Variants in AMPH observed in about 807,000 individuals in gnomAD.
The protein encoded by AMPH is amphiphysin.
Under a neutral mutation model 99.1 loss-of-function variants are expected in AMPH, and 49 were observed. The observed-to-expected ratio is 0.49, with a 90% CI of 0.39 to 0.63. The LOEUF is 0.63. Among genes scored for constraint, AMPH ranks in the 20% least tolerant of loss-of-function variants. AMPH has a pLI of 0.00. For synonymous variants in AMPH, 314 were observed against 317.3 expected (o/e 0.99, Z 0.11); for missense variants, 759 against 863.4 (o/e 0.88, Z 1.52).
At chr7:38,617,465 G>A (rs1401943085) in intron 1 of AMPH, among the ~76,000 whole-genome samples, 1 of 152,208 alleles carries the variant, frequency 6.6e-6, no homozygotes, top group Non-Finnish European at 1.5e-5. Context: ...CAAGGAACCT[G>A]GAGTGGCAGA....
At chr7:38,428,000 C>T in intron 14 of AMPH, 2 of 456,640 alleles carry the variant, frequency 4.4e-6, no homozygotes, top group Non-Finnish European at 8.8e-6. Context: ...GTCTTGCTAT[C>T]TCCTGGCTTT....
rs1268918230 is a variant in AMPH at position 38,394,207 on chromosome 7, G to A, written c.1406C>T (p.Pro469Leu). The A allele has an allele frequency of 1.9e-6, 3 of 1,613,988 alleles. No individual in the cohort carries two copies. The highest frequency in any genetic ancestry group is 1.7e-5 in the Admixed American group (1 of 60,008). Reference protein sequence around the residue: ...EEPVEEAVIIPGADADAAVGT... With the variant: ...EEPVEEAVIILGADADAAVGT... ...AACAGCTGCATCAGCATCAGCTCCA[G>A]GTATGATCTGCAGGGCAGAAACCAG... Residue 469 changes from proline to leucine, a missense_variant, in exon 18 of 21, where the codon CCT becomes CTT. Coordinates refer to ENST00000356264, the MANE Select transcript of AMPH (RefSeq NM_001635.4).
chr7:38,468,260 C>A (rs1443987301), intron 7 of AMPH, among the ~76,000 whole-genome samples: 8 of 152,174 alleles, frequency 5.3e-5, no homozygotes, highest in Admixed American at 5.2e-4. Context: ...TTAAAGTTAA[C>A]ACTTTCATTC....
intron 17 of AMPH, among the ~76,000 whole-genome samples, chr7:38,409,878 A>T (rs1331817807): frequency 3.9e-5 from 6 of 152,234 alleles, no homozygotes. Context: ...ACAGATCAGT[A>T]TTTAAAGTTT....
chr7:38,521,623 C>A (rs1228760386), intron 2 of AMPH, among the ~76,000 whole-genome samples: 1 of 151,670 alleles, frequency 6.6e-6, no homozygotes, highest in Non-Finnish European at 1.5e-5. Context: ...GTAGAACATA[C>A]CCCTCCATGC....
intron 17 of AMPH, among the ~76,000 whole-genome samples, chr7:38,401,364 C>G (rs1157707000): frequency 1.3e-5 from 2 of 152,160 alleles, no homozygotes; most frequent in Non-Finnish European, 2.9e-5. Context: ...AAGTGCCCAC[C>G]ACCTAGGATC....
intron 1 of AMPH, among the ~76,000 whole-genome samples, chr7:38,537,802 T>C (rs933188749): frequency 2.0e-5 from 3 of 152,178 alleles, no homozygotes; most frequent in African/African-American, 2.4e-5. Flanking sequence ...GGTGGACAAG[T>C]TGGTAAACGC....
chr7:38,467,719 G>A (rs1346750156), intron 7 of AMPH, among the ~76,000 whole-genome samples: 1 of 151,128 alleles, frequency 6.6e-6, no homozygotes, highest in Non-Finnish European at 1.5e-5. Flanking sequence ...TTAGAAATAA[G>A]CAGCTTATAA....
At chr7:38,626,656 C>T (rs142756171) in intron 1 of AMPH, among the ~76,000 whole-genome samples, 2,333 of 152,246 alleles carry the variant, frequency 0.015, 54 homozygotes, top group African/African-American at 0.053. Flanking sequence ...ATGACTAAAA[C>T]ACCAAAAGCA....
At chr7:38,531,639 T>C (rs1483729769) in intron 2 of AMPH, among the ~76,000 whole-genome samples, 1 of 152,152 alleles carries the variant, frequency 6.6e-6, no homozygotes, top group Non-Finnish European at 1.5e-5. Flanking sequence ...AAAAGGAATC[T>C]AAAAGCAAGA....
chr7:38,435,564 C>T (rs148537468), intron 12 of AMPH, among the ~76,000 whole-genome samples: 2 of 152,192 alleles, frequency 1.3e-5, no homozygotes, highest in African/African-American at 4.8e-5. Flanking sequence ...TCTATTAGCA[C>T]AGACAGTTGT....
intron 1 of AMPH, among the ~76,000 whole-genome samples, chr7:38,613,316 A>G (rs1250540833): frequency 6.8e-6 from 1 of 146,388 alleles, no homozygotes; most frequent in Non-Finnish European, 1.5e-5. Flanking sequence ...TTATAGCATC[A>G]TCATACCTAC....
intron 11 of AMPH, among the ~76,000 whole-genome samples, chr7:38,447,679 C>CA (rs200940573): frequency 6.6e-6 from 1 of 151,602 alleles, no homozygotes; most frequent in African/African-American, 2.4e-5. Flanking sequence ...GTAAACACCT[C>CA]AAAAAAACCA....
At chr7:38,483,427 C>A (rs2129016821) in intron 5 of AMPH, among the ~76,000 whole-genome samples, 1 of 152,232 alleles carries the variant, frequency 6.6e-6, no homozygotes, top group East Asian at 1.9e-4. Context: ...GTAAAAAACA[C>A]CCAGTTTCCT....
intron 1 of AMPH, among the ~76,000 whole-genome samples, chr7:38,558,138 G>C (rs1791429795): frequency 6.6e-6 from 1 of 152,196 alleles, no homozygotes; most frequent in Admixed American, 6.5e-5. Context: ...TTTTCAGAAT[G>C]CTCCATCTTG....
intron 5 of AMPH, among the ~76,000 whole-genome samples, chr7:38,485,990 A>G (rs1166340173): frequency 6.6e-6 from 1 of 151,940 alleles, no homozygotes; most frequent in African/African-American, 2.4e-5. Flanking sequence ...ATAAACGCAT[A>G]CATTAAAAGG....
intron 1 of AMPH, among the ~76,000 whole-genome samples, chr7:38,561,616 C>T (rs1430694072): frequency 2.6e-5 from 4 of 152,174 alleles, no homozygotes; most frequent in African/African-American, 9.7e-5. Flanking sequence ...GAACCACTTC[C>T]GGTTCAGATG....
intron 1 of AMPH, among the ~76,000 whole-genome samples, chr7:38,620,334 A>ATG (rs1235215214): frequency 1.2e-5 from 1 of 86,212 alleles, no homozygotes; most frequent in African/African-American, 5.0e-5. Context: ...GGAGATATAT[A>ATG]TATGTGTGTG....
At chr7:38,584,070 C>CT (rs549908493) in intron 1 of AMPH, among the ~76,000 whole-genome samples, 303 of 152,138 alleles carry the variant, frequency 2.0e-3, no homozygotes, top group African/African-American at 7.0e-3. Context: ...ATGTGCATTT[C>CT]TTTTTTTAAA....
Sources: allele counts gnomAD v4.1 joint callset (sites outside exome capture counted in the v4.1 genomes callset), GRCh38; gene constraint gnomAD v4.1.1; transcripts MANE v1.5; gene names NCBI Gene and HGNC (gene_info 2026-07-23, HGNC 2026-07-21).